ADGRB3: variants seen among roughly 807,000 people sequenced by gnomAD.
ADGRB3 encodes adhesion G protein-coupled receptor B3, also known as brain-specific angiogenesis inhibitor 3.
In ADGRB3, 37 loss-of-function variants were observed where a neutral mutation model predicts 193.4. The ratio of observed to expected loss-of-function variants is 0.19; its 90% confidence interval spans 0.15 to 0.25. The LOEUF (loss-of-function observed/expected upper bound fraction) is 0.25. Among genes scored for constraint, ADGRB3 ranks in the 10% least tolerant of loss-of-function variants. The probability of loss-of-function intolerance (pLI) is 1.00; values close to 1 mark genes in which losing one functional copy is unlikely to be tolerated. For synonymous variants in ADGRB3, 690 were observed against 644.2 expected, an observed-to-expected ratio of 1.07 and a Z score of -1.08; for missense variants, 1,637 against 1,852.9, an observed-to-expected ratio of 0.88 and a Z score of 2.14.
chr6:68,755,235 A>G (rs1172925094), intron 3 of ADGRB3, among the ~76,000 whole-genome samples: 1 of 152,188 alleles, frequency 6.6e-6, no homozygotes, highest in African/African-American at 2.4e-5. Flanking sequence ...ATGATTGTTT[A>G]AAGACATGAA....
chr6:68,954,826 G>A (rs146647053), intron 6 of ADGRB3, among the ~76,000 whole-genome samples: 2,714 of 151,652 alleles, frequency 0.018, 72 homozygotes, highest in African/African-American at 0.062. Flanking sequence ...GACTACAGGC[G>A]CCCGCCACCA....
intron 13 of ADGRB3, among the ~76,000 whole-genome samples, chr6:69,029,256 T>G (rs1770539260): frequency 6.6e-6 from 1 of 152,230 alleles, no homozygotes; most frequent in African/African-American, 2.4e-5. Context: ...CTAATATTCT[T>G]CATATGTATC....
chr6:69,262,044 A>C (rs1766941534), intron 20 of ADGRB3, among the ~76,000 whole-genome samples: 1 of 151,972 alleles, frequency 6.6e-6, no homozygotes, highest in East Asian at 1.9e-4. Context: ...GTTTTTGGAG[A>C]GAAAGGCATC....
intron 13 of ADGRB3, among the ~76,000 whole-genome samples, chr6:69,047,724 T>C (rs1270676950): frequency 6.6e-6 from 1 of 152,166 alleles, no homozygotes; most frequent in East Asian, 1.9e-4. Flanking sequence ...ATCTAATCCA[T>C]GAAAAGTTTG....
At chr6:69,243,811 A>G (rs1178187676) in intron 20 of ADGRB3, among the ~76,000 whole-genome samples, 1 of 152,026 alleles carries the variant, frequency 6.6e-6, no homozygotes, top group Non-Finnish European at 1.5e-5. Flanking sequence ...TAGTCTGGGC[A>G]TTCTTGGACT....
Position 68,635,607 on chromosome 6 carries a change from G to C in ADGRB3, c.-581G>C, listed in dbSNP as rs1767927714. The stretch of plus-strand genomic sequence containing the variant: ...CGTCTCAGCGCTTTCTTTGCTTCTT[G>C]GTTTGTTGGGGGTAGCTTTTATGAA... On this transcript the variant is annotated 5_prime_UTR_variant, in exon 1 of 32. Transcript: ENST00000370598. 1 of 153,448 alleles carries C rather than the reference G, an allele frequency of 6.5e-6. No homozygotes were observed. Among genetic ancestry groups the C allele is most frequent in the South Asian group, 2.0e-4 (1 of 4,908 alleles). The allele number at this position is 153,448 out of a possible 1,614,324, so 9.5% of individuals were successfully genotyped here.
intron 3 of ADGRB3, among the ~76,000 whole-genome samples, chr6:68,920,471 T>TC (rs1171045277): frequency 7.8e-6 from 1 of 127,404 alleles, no homozygotes; most frequent in Admixed American, 1.0e-4. Flanking sequence ...TGAGCCGAGA[T>TC]CCGCCATTGC....
chr6:69,044,344 A>G (rs1351869326), intron 13 of ADGRB3, among the ~76,000 whole-genome samples: 1 of 152,156 alleles, frequency 6.6e-6, no homozygotes, highest in Non-Finnish European at 1.5e-5. Flanking sequence ...TTGTATGTGA[A>G]CCACTCACAA....
chr6:69,035,800 T>G (rs1770850766), intron 13 of ADGRB3, among the ~76,000 whole-genome samples: 2 of 152,118 alleles, frequency 1.3e-5, no homozygotes, highest in Admixed American at 1.3e-4. Flanking sequence ...GAAGTGAAAC[T>G]GTAAGTACAA....
chr6:69,105,383 C>A (rs942985255), intron 17 of ADGRB3, among the ~76,000 whole-genome samples: 11 of 152,182 alleles, frequency 7.2e-5, no homozygotes, highest in Admixed American at 5.9e-4. Context: ...TGCCCTCCTC[C>A]TGGGCATGGA....
intron 17 of ADGRB3, among the ~76,000 whole-genome samples, chr6:69,151,355 T>C (rs1592054): frequency 0.64 from 97,151 of 151,952 alleles, 32,306 homozygotes; most frequent in East Asian, 0.95. Flanking sequence ...CAGTTGAGTT[T>C]TGCCTGGTGT....
chr6:69,237,581 A>C (rs570777611), intron 19 of ADGRB3, among the ~76,000 whole-genome samples: 10 of 152,052 alleles, frequency 6.6e-5, no homozygotes, highest in African/African-American at 2.4e-4. Context: ...GAAGGCAACA[A>C]TAGGGCTCAG....
intron 17 of ADGRB3, among the ~76,000 whole-genome samples, chr6:69,117,098 A>G (rs1488402522): frequency 6.6e-6 from 1 of 152,274 alleles, no homozygotes; most frequent in African/African-American, 2.4e-5. Context: ...TAGACAAAAA[A>G]GTATCTGTAC....
intron 13 of ADGRB3, among the ~76,000 whole-genome samples, chr6:69,018,891 T>A (rs544859508): frequency 7.9e-5 from 12 of 152,070 alleles, no homozygotes; most frequent in Non-Finnish European, 1.8e-4. Flanking sequence ...TGATCTTCCG[T>A]ACATTGTTCT....
intron 3 of ADGRB3, among the ~76,000 whole-genome samples, chr6:68,698,607 T>C (rs1400314924): frequency 6.6e-6 from 1 of 152,080 alleles, no homozygotes; most frequent in African/African-American, 2.4e-5. Flanking sequence ...AGCATCATTC[T>C]TACCTTTATG....
intron 26 of ADGRB3, among the ~76,000 whole-genome samples, chr6:69,342,058 A>C (rs1318152162): frequency 1.3e-5 from 2 of 152,160 alleles, no homozygotes; most frequent in African/African-American, 2.4e-5. Flanking sequence ...ACTTGGCACA[A>C]AAATTCTACA....
At chr6:69,244,184 C>T (rs959396202) in intron 20 of ADGRB3, among the ~76,000 whole-genome samples, 4 of 151,786 alleles carry the variant, frequency 2.6e-5, no homozygotes, top group Non-Finnish European at 5.9e-5. Context: ...AATTCTCTGT[C>T]TTAAAGCACT....
chr6:68,639,042 T>C lies in ADGRB3; in HGVS notation c.367T>C (p.Tyr123His). The change falls in exon 3 of 32, where the codon TAT becomes CAT. Residue 123 changes from tyrosine to histidine, a missense_variant. Around this residue, in one of 7 missense-constraint regions of ADGRB3, gnomAD observed 365 missense variants for 409.8 expected, o/e 0.89. Coordinates refer to ENST00000370598, the MANE Select transcript of ADGRB3 (RefSeq NM_001704.3). Reference sequence around the variant, plus strand: ...CAAGAATGCTTTCGTTTTTCTACAGTATGATAAAAATTTTATTCAAATACG... The same window carrying C: ...CAAGAATGCTTTCGTTTTTCTACAGCATGATAAAAATTTTATTCAAATACG... ...NSKNAFVFLQ[Y>H]DKNFIQIRRV... The C allele has an allele frequency of 6.2e-7, 1 of 1,613,614 alleles. No homozygotes were observed. The highest frequency in any genetic ancestry group is 8.5e-7 in the Non-Finnish European group (1 of 1,179,874).
At chr6:69,102,046 G>A (rs576351111) in intron 17 of ADGRB3, among the ~76,000 whole-genome samples, 2 of 151,976 alleles carry the variant, frequency 1.3e-5, no homozygotes. Flanking sequence ...GCGTGGTGGC[G>A]GACGCCTGTA....
Sources: allele counts gnomAD v4.1 joint callset (sites outside exome capture counted in the v4.1 genomes callset), GRCh38; gene constraint gnomAD v4.1.1; regional missense constraint gnomAD v4.1.1; transcripts MANE v1.5; gene names NCBI Gene and HGNC (gene_info 2026-07-23, HGNC 2026-07-21).